The following DLGAP4 variants were observed in gnomAD, a reference collection of about 807,000 sequenced individuals.
DLGAP4 encodes the protein DLG associated protein 4.
Under a neutral mutation model 86.9 loss-of-function variants are expected in DLGAP4, and 18 were observed. That is an observed-to-expected ratio of 0.21 (90% CI 0.14 to 0.31). The LOEUF is 0.31. DLGAP4 is among the 10% of genes least tolerant of loss of function. DLGAP4 has a pLI of 1.00. For missense variants in DLGAP4, 1,085 were observed against 1,362.6 expected, an observed-to-expected ratio of 0.80 and a Z score of 3.21; for synonymous variants, 548 against 574.3, an observed-to-expected ratio of 0.95 and a Z score of 0.65.
intron 1 of DLGAP4, among the ~76,000 whole-genome samples, chr20:36,317,220 CTTTTTTCTTTCTTTCT>C (rs2065109079): frequency 1.5e-4 from 18 of 117,190 alleles, no homozygotes; most frequent in African/African-American, 5.6e-4. Context: ...CCTTCCTCTC[CTTTTTTCTTTCTTTCT>C]TTCTTTCTTT....
chr20:36,391,468 C>T (rs958124609), intron 2 of DLGAP4, among the ~76,000 whole-genome samples: 4 of 152,172 alleles, frequency 2.6e-5, no homozygotes, highest in African/African-American at 9.7e-5. Flanking sequence ...ACGCACCCAC[C>T]ACAGAGGGCC....
Position 36,473,620 on chromosome 20 carries a change from T to A in DLGAP4, c.1649-23085T>A, listed in dbSNP as rs2034776526. Among the ~76,000 whole-genome samples the A allele has an allele frequency of 2.0e-5, 3 of 152,194 alleles. No individual in the cohort carries two copies. In the South Asian group the frequency reaches 6.2e-4, roughly 32 times the overall value. ...GTATCAATTTTGTTGCTAGACCAAA[T>A]ATGATTTTTTAAAATAGAGATTTCC... On this transcript the variant is annotated intron_variant, in intron 7 of 12. Transcript: ENST00000339266.
chr20:36,373,081 G>A (rs2031007736), intron 2 of DLGAP4, among the ~76,000 whole-genome samples: 1 of 152,148 alleles, frequency 6.6e-6, no homozygotes. Context: ...TCATTAAACT[G>A]TTGATAGTGG....
chr20:36,439,651 A>C, intron 4 of DLGAP4, 103 bp from the exon 5 acceptor site: 1 of 949,524 alleles, frequency 1.1e-6, no homozygotes, highest in Non-Finnish European at 1.6e-6. Flanking sequence ...TGCAGCGGGC[A>C]TCACAGGTGT....
At chr20:36,403,303 C>T (rs2032217705) in intron 2 of DLGAP4, among the ~76,000 whole-genome samples, 1 of 152,106 alleles carries the variant, frequency 6.6e-6, no homozygotes, top group Non-Finnish European at 1.5e-5. Context: ...GGAGGTGAAC[C>T]CACTCCTGCA....
chr20:36,494,984 GTTTTTTTT>G (rs752411826), intron 7 of DLGAP4, among the ~76,000 whole-genome samples: 4 of 75,390 alleles, frequency 5.3e-5, no homozygotes, highest in Admixed American at 4.3e-4. Flanking sequence ...TTTTTGTTCG[GTTTTTTTT>G]TTTTTTTTTT....
At chr20:36,476,563 C>T (rs545823353) in intron 7 of DLGAP4, among the ~76,000 whole-genome samples, 9 of 151,016 alleles carry the variant, frequency 6.0e-5, no homozygotes, top group South Asian at 2.1e-4. Context: ...TTCAGACCTC[C>T]GGTGATCCAC....
At chr20:36,380,649 GAGA>G (rs2031353274) in intron 2 of DLGAP4, among the ~76,000 whole-genome samples, 1 of 112,848 alleles carries the variant, frequency 8.9e-6, no homozygotes, top group African/African-American at 3.5e-5. Flanking sequence ...GAGAGAGAGA[GAGA>G]GAGAGAGAGA....
intron 7 of DLGAP4, among the ~76,000 whole-genome samples, chr20:36,493,457 C>T (rs2035752856): frequency 6.6e-6 from 1 of 152,180 alleles, no homozygotes; most frequent in Admixed American, 6.5e-5. Flanking sequence ...GTGAGAATCC[C>T]TCCCGCCCTT....
At chr20:36,506,472 T>G (rs983900092) in intron 10 of DLGAP4, among the ~76,000 whole-genome samples, 1 of 152,174 alleles carries the variant, frequency 6.6e-6, no homozygotes, top group African/African-American at 2.4e-5. Context: ...TATCAGTTAC[T>G]GTAACTTACA....
Position 36,526,930 on chromosome 20 carries a change from C to T in DLGAP4, c.2878C>T (p.Leu960Phe). 1 of 1,613,846 alleles carries T rather than the reference C, an allele frequency of 6.2e-7. No individual in the cohort carries two copies. The highest frequency in any genetic ancestry group is 8.5e-7 in the Non-Finnish European group (1 of 1,179,926). The change falls in exon 13 of 13, where the codon CTC becomes TTC. Residue 960 changes from leucine (L) to phenylalanine (F), a missense_variant. Transcript: ENST00000339266. ...DKQRQEARKR[L>F]LAAKRAASVR... ...GCAGCGCCAGGAGGCCCGCAAGAGA[C>T]TCCTGGCGGCCAAGCGGGCAGCTTC...
At chr20:36,316,773 G>T (rs1344006785) in intron 1 of DLGAP4, among the ~76,000 whole-genome samples, 4 of 152,054 alleles carry the variant, frequency 2.6e-5, no homozygotes, top group Non-Finnish European at 5.9e-5. Flanking sequence ...GGGTGCCTTG[G>T]ACAGCAGCCC....
chr20:36,448,399 T>C (rs565732290), intron 7 of DLGAP4, among the ~76,000 whole-genome samples: 17 of 152,172 alleles, frequency 1.1e-4, no homozygotes, highest in Non-Finnish European at 2.2e-4. Flanking sequence ...GCACAATTTA[T>C]TGTTTATCAA....
At chr20:36,517,293 G>C (rs1243663895) in intron 10 of DLGAP4, among the ~76,000 whole-genome samples, 1 of 152,052 alleles carries the variant, frequency 6.6e-6, no homozygotes, top group Non-Finnish European at 1.5e-5. Flanking sequence ...CATGAGAATT[G>C]CATGAACCTG....
intron 2 of DLGAP4, among the ~76,000 whole-genome samples, chr20:36,426,897 G>A (rs138866764): frequency 6.6e-6 from 1 of 152,180 alleles, no homozygotes; most frequent in Non-Finnish European, 1.5e-5. Context: ...ATGTTTCAGG[G>A]CTGGGTGTGG....
At chr20:36,450,834 GAT>G (rs2147588238) in intron 7 of DLGAP4, among the ~76,000 whole-genome samples, 1 of 152,304 alleles carries the variant, frequency 6.6e-6, no homozygotes, top group East Asian at 1.9e-4. Flanking sequence ...GAGACTTATT[GAT>G]CCATGGCAAT....
At chr20:36,478,856 A>T (rs989188589) in intron 7 of DLGAP4, among the ~76,000 whole-genome samples, 1 of 152,198 alleles carries the variant, frequency 6.6e-6, no homozygotes, top group Non-Finnish European at 1.5e-5. Flanking sequence ...CACAGGGGTG[A>T]TGATGAAAAC....
At chr20:36,386,961 T>C (rs1482153670) in intron 2 of DLGAP4, among the ~76,000 whole-genome samples, 1 of 152,240 alleles carries the variant, frequency 6.6e-6, no homozygotes, top group African/African-American at 2.4e-5. Context: ...TTCTGCCGAA[T>C]AGTATTCCAT....
chr20:36,340,116 G>T (rs1199627683), intron 1 of DLGAP4, among the ~76,000 whole-genome samples: 1 of 152,148 alleles, frequency 6.6e-6, no homozygotes, highest in Non-Finnish European at 1.5e-5. Context: ...CCCCTCTGTG[G>T]TAGAAGGAGG....
Sources: gnomAD v4.1 joint callset for allele counts (sites outside exome capture counted in the v4.1 genomes callset) on GRCh38, gnomAD v4.1.1 for gene constraint, MANE v1.5 for transcripts, NCBI Gene and HGNC (gene_info 2026-07-23, HGNC 2026-07-21) for gene names.